The following TRPC6 variants were observed in gnomAD, a reference collection of about 807,000 sequenced individuals.
The protein encoded by TRPC6 is short transient receptor potential channel 6.
TRPC6 carries 55 observed loss-of-function variants against 90.7 expected under a neutral mutation model. The observed-to-expected ratio is 0.61, with a 90% CI of 0.49 to 0.76. The LOEUF (loss-of-function observed/expected upper bound fraction) is 0.76, where lower values mean the gene tolerates loss of function less well. Among genes scored for constraint, TRPC6 ranks in the 30% least tolerant of loss-of-function variants. The pLI is 0.00. For synonymous variants in TRPC6, 393 were observed against 393.0 expected, an observed-to-expected ratio of 1.00 and a Z score of 0.00; for missense variants, 989 against 1,122.7, an observed-to-expected ratio of 0.88 and a Z score of 1.70.
intron 1 of TRPC6, among the ~76,000 whole-genome samples, chr11:101,558,222 T>TATACACACATAC (rs1267731051): frequency 8.3e-6 from 1 of 120,482 alleles, no homozygotes; most frequent in African/African-American, 3.0e-5. Context: ...TGTATATATG[T>TATACACACATAC]ATACATGTAT....
intron 1 of TRPC6, among the ~76,000 whole-genome samples, chr11:101,547,109 C>T (rs1455041656): frequency 6.6e-6 from 1 of 152,114 alleles, no homozygotes; most frequent in Non-Finnish European, 1.5e-5. Flanking sequence ...GGTTTGGTGG[C>T]ATTTTGTTCC....
intron 1 of TRPC6, among the ~76,000 whole-genome samples, chr11:101,534,602 C>G (rs1860992135): frequency 6.6e-6 from 1 of 150,988 alleles, no homozygotes; most frequent in South Asian, 2.1e-4. Context: ...AAACCCAGGT[C>G]ACTACATAAT....
rs1407248381 is a variant in TRPC6, at chr11:101,535,499, C to T, written c.171-30701G>A. Among the ~76,000 whole-genome samples the T allele has an allele frequency of 2.0e-5, 3 of 151,986 alleles. No homozygotes were observed. In the East Asian group the frequency reaches 5.8e-4, roughly 29 times the overall value. ...GAGTCTTTTTAATGACACAGAACTT[C>T]AGAGGACTATAGGGTCATTATTCTG... On this transcript the variant is annotated intron_variant, in intron 1 of 12. Coordinates refer to ENST00000344327, the MANE Select transcript of TRPC6 (RefSeq NM_004621.6).
At chr11:101,552,925 T>G (rs1216727919) in intron 1 of TRPC6, among the ~76,000 whole-genome samples, 2 of 152,098 alleles carry the variant, frequency 1.3e-5, no homozygotes, top group Non-Finnish European at 2.9e-5. Context: ...TGGCAGAAAT[T>G]AAGTGAAAAT....
At chr11:101,481,978 C>G (rs1859562603) in intron 5 of TRPC6, among the ~76,000 whole-genome samples, 1 of 152,152 alleles carries the variant, frequency 6.6e-6, no homozygotes, top group Admixed American at 6.5e-5. Context: ...CCATCCTTGT[C>G]TCCCAAACAG....
intron 1 of TRPC6, among the ~76,000 whole-genome samples, chr11:101,535,932 T>C (rs1435953300): frequency 1.3e-5 from 2 of 152,190 alleles, no homozygotes; most frequent in Admixed American, 1.3e-4. Flanking sequence ...TTTAAAATGC[T>C]CCAATTCTGT....
intron 1 of TRPC6, among the ~76,000 whole-genome samples, chr11:101,527,553 G>C (rs1565230490): frequency 6.6e-6 from 1 of 152,148 alleles, no homozygotes; most frequent in Non-Finnish European, 1.5e-5. Context: ...AGTGTGTGTG[G>C]TTGGGGGGTG....
intron 2 of TRPC6, among the ~76,000 whole-genome samples, chr11:101,493,679 A>G (rs1209118014): frequency 6.6e-6 from 1 of 152,204 alleles, no homozygotes; most frequent in African/African-American, 2.4e-5. Context: ...CTTCAGTGAC[A>G]GACTTTTCTC....
chr11:101,579,119 C>T (rs1256489819), intron 1 of TRPC6, among the ~76,000 whole-genome samples: 1 of 152,106 alleles, frequency 6.6e-6, no homozygotes, highest in Non-Finnish European at 1.5e-5. Flanking sequence ...CCTTCTAGCT[C>T]CATTACTCTT....
intron 1 of TRPC6, among the ~76,000 whole-genome samples, chr11:101,523,998 G>A (rs576328201): frequency 1.3e-5 from 2 of 152,220 alleles, no homozygotes; most frequent in South Asian, 2.1e-4. Context: ...AATTTAGGAG[G>A]CATTCCTCTG....
intron 1 of TRPC6, among the ~76,000 whole-genome samples, chr11:101,540,886 G>T (rs1236096680): frequency 6.6e-6 from 1 of 152,050 alleles, no homozygotes; most frequent in African/African-American, 2.4e-5. Flanking sequence ...GAATCGTGAG[G>T]ATTAAATATA....
chr11:101,583,294 G>A (rs1319792671), intron 1 of TRPC6, 40 bp downstream of exon 1: 2 of 1,544,670 alleles, frequency 1.3e-6, no homozygotes, highest in Admixed American at 3.8e-5. Flanking sequence ...CTCCCTCCGC[G>A]CAGCCCGCGC....
intron 1 of TRPC6, among the ~76,000 whole-genome samples, chr11:101,543,324 A>T (rs898516366): frequency 2.0e-5 from 3 of 152,040 alleles, no homozygotes; most frequent in Non-Finnish European, 4.4e-5. Flanking sequence ...ACTTACATGT[A>T]CTCTATGACC....
intron 1 of TRPC6, among the ~76,000 whole-genome samples, chr11:101,532,920 A>G (rs1242992913): frequency 2.0e-5 from 3 of 152,146 alleles, no homozygotes; most frequent in Non-Finnish European, 4.4e-5. Context: ...CCAAGGATTC[A>G]TTGCCAAGCC....
At chr11:101,486,790 A>G (rs1859687454) in intron 4 of TRPC6, among the ~76,000 whole-genome samples, 1 of 152,160 alleles carries the variant, frequency 6.6e-6, no homozygotes, top group Non-Finnish European at 1.5e-5. Context: ...TATTTGGAAT[A>G]AAAGCACCAA....
At chr11:101,528,342 G>GT (rs1226795019) in intron 1 of TRPC6, among the ~76,000 whole-genome samples, 1 of 152,132 alleles carries the variant, frequency 6.6e-6, no homozygotes, top group Admixed American at 6.6e-5. Flanking sequence ...TACGGGAAGA[G>GT]TTTTCAATCA....
chr11:101,567,539 G>A (rs992957647), intron 1 of TRPC6, among the ~76,000 whole-genome samples: 1 of 152,210 alleles, frequency 6.6e-6, no homozygotes, highest in Non-Finnish European at 1.5e-5. Flanking sequence ...ATCTCCGCAA[G>A]TGGTTCCCTG....
Position 101,532,972 on chromosome 11 carries a change from C to T in TRPC6, c.171-28174G>A, listed in dbSNP as rs1860940665. On this transcript the variant is annotated intron_variant, in intron 1 of 12. Transcript: ENST00000344327. ...TCCTGAGAAAAAAAGCATCGCAGAA[C>T]CTCAGAGCTGGCTGAGCTGCATGGC... 3.3e-5 allele frequency among the ~76,000 whole-genome samples: 5 copies of T among 152,270 alleles called. No individual in the cohort carries two copies. The South Asian group carries it at 1.0e-3, about 32-fold the overall frequency.
At chr11:101,533,390 G>A (rs548803570) in intron 1 of TRPC6, among the ~76,000 whole-genome samples, 71 of 152,154 alleles carry the variant, frequency 4.7e-4, no homozygotes, top group African/African-American at 1.5e-3. Flanking sequence ...AGGGGGAAGC[G>A]GGGCAGTGCC....
Sources: allele counts gnomAD v4.1 joint callset (sites outside exome capture counted in the v4.1 genomes callset), GRCh38; gene constraint gnomAD v4.1.1; transcripts MANE v1.5; gene names NCBI Gene and HGNC (gene_info 2026-07-23, HGNC 2026-07-21).